PLPPR1: variants seen among roughly 807,000 people sequenced by gnomAD.
The protein encoded by PLPPR1 is phospholipid phosphatase related 1.
A neutral mutation model predicts 33.1 loss-of-function variants in PLPPR1; 10 were observed. That is an observed-to-expected ratio of 0.30 (90% CI 0.19 to 0.51). The LOEUF is 0.51. Ranked by LOEUF, PLPPR1 falls within the 20% of genes least tolerant of loss-of-function variation. The probability of loss-of-function intolerance (pLI) is 0.97; values close to 1 mark genes in which losing one functional copy is unlikely to be tolerated. For synonymous variants in PLPPR1, 151 were observed against 151.0 expected (o/e 1.00, Z 0.00); for missense variants, 304 against 408.1 (o/e 0.74, Z 2.20).
chr9:101,184,029 A>G (rs1826163705), intron 1 of PLPPR1, among the ~76,000 whole-genome samples: 1 of 151,736 alleles, frequency 6.6e-6, no homozygotes, highest in Non-Finnish European at 1.5e-5. Context: ...TATTTGGGTT[A>G]AGTAAGGGCA....
rs113085987 is a variant in PLPPR1, at chr9:101,213,483, T to C, written c.63+27926T>C. Among the ~76,000 whole-genome samples the C allele has an allele frequency of 2.4e-3, 361 of 152,320 alleles. 4 individuals are homozygous for C. Among genetic ancestry groups the C allele is most frequent in the African/African-American group, 8.3e-3 (347 of 41,584 alleles). On this transcript the variant is annotated intron_variant, in intron 2 of 7. Transcript: ENST00000374874. ...TGCAGAAGCATATAAAATTTGTAAA[T>C]ACATTACCTTTCTGTCATTTTTCAA... is the stretch of plus-strand genomic sequence containing the variant.
intron 1 of PLPPR1, among the ~76,000 whole-genome samples, chr9:101,135,690 T>C (rs1285467722): frequency 6.6e-6 from 1 of 152,232 alleles, no homozygotes; most frequent in Non-Finnish European, 1.5e-5. Context: ...TCCCTTCTAC[T>C]CTGAGTTACC....
At chr9:101,259,329 T>G (rs1279828783) in intron 2 of PLPPR1, among the ~76,000 whole-genome samples, 1 of 152,138 alleles carries the variant, frequency 6.6e-6, no homozygotes, top group Non-Finnish European at 1.5e-5. Context: ...GCTGCTTCTA[T>G]CCATTACCAA....
At position 101,317,472 on chromosome 9, in the gene PLPPR1, C is replaced by G; in HGVS notation, c.921C>G (p.Ser307Arg). The change falls in exon 7 of 8, where the codon AGC becomes AGG. Residue 307 changes from serine (S) to arginine (R), a missense_variant. Coordinates refer to ENST00000374874, the MANE Select transcript of PLPPR1 (RefSeq NM_207299.2). ...TAATGGCTTTCCCAAGGATAGAAAG[C>G]CCTCTGGAAACCTTAAGTGCACAGG... The part of the protein sequence containing the change: ...VPLMAFPRIE[S>R]PLETLSAQNH... 1.9e-6 allele frequency: 3 copies of G among 1,613,928 alleles called. No individual in the cohort carries two copies. The highest frequency in any genetic ancestry group is 2.5e-6 in the Non-Finnish European group (3 of 1,179,926).
In PLPPR1 at chr9:101,088,399, G is replaced by A. The variant is rs959631124; in HGVS notation, c.-46+59297G>A. Among the ~76,000 whole-genome samples, 25 of 150,476 alleles carry A rather than the reference G, an allele frequency of 1.7e-4. 1 individual carries two copies. The highest frequency in any genetic ancestry group is 1.5e-3 in the Admixed American group (22 of 15,110). On this transcript the variant is annotated intron_variant, in intron 1 of 7. Transcript: ENST00000374874. ...TAAAATTAAAAATAAAATAATTATT[G>A]AAAAAAAGTAATTCTAATATAAAAA...
At chr9:101,153,997 T>C (rs563496945) in intron 1 of PLPPR1, among the ~76,000 whole-genome samples, 2 of 152,280 alleles carry the variant, frequency 1.3e-5, no homozygotes, top group Admixed American at 6.5e-5. Context: ...GTTCTGTTTA[T>C]ATGCTGGATT....
chr9:101,173,336 G>C (rs538976711), intron 1 of PLPPR1, among the ~76,000 whole-genome samples: 1 of 151,974 alleles, frequency 6.6e-6, no homozygotes, highest in Non-Finnish European at 1.5e-5. Flanking sequence ...TTTTTCAGGC[G>C]TATTTTTACA....
chr9:101,181,708 A>G (rs916269969), intron 1 of PLPPR1, among the ~76,000 whole-genome samples: 4 of 65,482 alleles, frequency 6.1e-5, no homozygotes, highest in Non-Finnish European at 1.3e-4. Flanking sequence ...ATATACACAC[A>G]CCAAATTACT....
chr9:101,204,573 G>T (rs781747689), intron 2 of PLPPR1, among the ~76,000 whole-genome samples: 1 of 152,046 alleles, frequency 6.6e-6, no homozygotes, highest in Non-Finnish European at 1.5e-5. Flanking sequence ...GCAAAGCCAC[G>T]GTTGGGCTCT....
intron 1 of PLPPR1, among the ~76,000 whole-genome samples, chr9:101,167,141 G>GGGGT (rs1297322438): frequency 1.5e-4 from 6 of 39,650 alleles, no homozygotes; most frequent in Non-Finnish European, 1.7e-4. Context: ...TATGTCTCTC[G>GGGGT]GTGTGTGTGT....
intron 2 of PLPPR1, among the ~76,000 whole-genome samples, chr9:101,264,307 G>T (rs960577055): frequency 6.6e-6 from 1 of 151,992 alleles, no homozygotes; most frequent in Non-Finnish European, 1.5e-5. Context: ...TTATCCCCTC[G>T]CTTTATGGAA....
At chr9:101,111,517 A>G (rs891186694) in intron 1 of PLPPR1, among the ~76,000 whole-genome samples, 3 of 152,150 alleles carry the variant, frequency 2.0e-5, no homozygotes, top group Non-Finnish European at 4.4e-5. Flanking sequence ...GGGGGATAGT[A>G]TTTTCCTGTT....
At chr9:101,197,351 T>G (rs1826416103) in intron 2 of PLPPR1, among the ~76,000 whole-genome samples, 1 of 152,190 alleles carries the variant, frequency 6.6e-6, no homozygotes, top group African/African-American at 2.4e-5. Context: ...TGTCTCACTG[T>G]CACCTGAACA....
intron 4 of PLPPR1, among the ~76,000 whole-genome samples, chr9:101,301,834 A>G (rs1828758914): frequency 6.6e-6 from 1 of 152,196 alleles, no homozygotes; most frequent in Admixed American, 6.5e-5. Context: ...TTCTTTTTGG[A>G]AAATTGACTA....
At chr9:101,290,601 A>G (rs1828478003) in intron 4 of PLPPR1, among the ~76,000 whole-genome samples, 1 of 152,206 alleles carries the variant, frequency 6.6e-6, no homozygotes, top group Admixed American at 6.5e-5. Context: ...CAAATAATCC[A>G]TTCTAATGAA....
intron 1 of PLPPR1, among the ~76,000 whole-genome samples, chr9:101,093,153 A>AT (rs1830769323): frequency 6.6e-6 from 1 of 152,230 alleles, no homozygotes; most frequent in South Asian, 2.1e-4. Flanking sequence ...GCTTTGAGTC[A>AT]TTTTCAAATT....
At chr9:101,299,802 G>A (rs573742829) in intron 4 of PLPPR1, among the ~76,000 whole-genome samples, 1 of 152,288 alleles carries the variant, frequency 6.6e-6, no homozygotes, top group East Asian at 1.9e-4. Flanking sequence ...TTCTCTGCCA[G>A]ATAATTCTTT....
At chr9:101,224,798 T>TATG (rs1328941975) in intron 2 of PLPPR1, among the ~76,000 whole-genome samples, 1 of 152,162 alleles carries the variant, frequency 6.6e-6, no homozygotes, top group African/African-American at 2.4e-5. Context: ...GTGGTGTGCT[T>TATG]ATGTGGTCCC....
At chr9:101,246,348 CTG>C (rs2118858227) in intron 2 of PLPPR1, among the ~76,000 whole-genome samples, 1 of 152,044 alleles carries the variant, frequency 6.6e-6, no homozygotes, top group Admixed American at 6.6e-5. Context: ...CAGGGACAGA[CTG>C]TGGGACACAC....
Sources: allele counts gnomAD v4.1 joint callset (sites outside exome capture counted in the v4.1 genomes callset), GRCh38; gene constraint gnomAD v4.1.1; transcripts MANE v1.5; gene names NCBI Gene and HGNC (gene_info 2026-07-23, HGNC 2026-07-21).